SSH1: variants seen among roughly 807,000 people sequenced by gnomAD.
SSH1 encodes slingshot protein phosphatase 1.
Under a neutral mutation model 79.7 loss-of-function variants are expected in SSH1, and 43 were observed. The ratio of observed to expected loss-of-function variants is 0.54; its 90% CI spans 0.42 to 0.70. The LOEUF is 0.70. Ranked by LOEUF, SSH1 falls within the 30% of genes least tolerant of loss-of-function variation. The pLI is 0.00. For missense variants in SSH1, 1,206 were observed against 1,358.8 expected (o/e 0.89, Z 1.77); for synonymous variants, 599 against 538.3 (o/e 1.11, Z -1.56).
chr12:108,829,008 A>G (rs192486887), intron 2 of SSH1, among the ~76,000 whole-genome samples: 1 of 152,326 alleles, frequency 6.6e-6, no homozygotes, highest in African/African-American at 2.4e-5. Flanking sequence ...GACAACGCCC[A>G]TGGTGACTGC....
intron 2 of SSH1, among the ~76,000 whole-genome samples, chr12:108,829,344 A>T (rs1242927301): frequency 6.6e-6 from 1 of 152,106 alleles, no homozygotes; most frequent in Non-Finnish European, 1.5e-5. Flanking sequence ...GGCGGTGGGG[A>T]ACAAAAGTAA....
chr12:108,804,403 T>C (rs957421363), intron 10 of SSH1, among the ~76,000 whole-genome samples: 9 of 152,258 alleles, frequency 5.9e-5, no homozygotes, highest in Admixed American at 4.6e-4. Context: ...CCTTCCTCTA[T>C]AGCCTCTCTG....
At chr12:108,841,436 A>G (rs1478298101) in intron 2 of SSH1, among the ~76,000 whole-genome samples, 1 of 152,222 alleles carries the variant, frequency 6.6e-6, no homozygotes, top group Admixed American at 6.5e-5. Flanking sequence ...TGAAAAGTTT[A>G]ATTAAGTTCT....
intron 2 of SSH1, chr12:108,834,461 C>T (rs543927332): frequency 6.6e-6 from 1 of 152,418 alleles, no homozygotes; most frequent in South Asian, 2.1e-4. Context: ...AGGTCACATA[C>T]AGTCGGTCCT....
Position 108,808,821 on chromosome 12 carries a change from CTTTTTTTTTTTTT to C in SSH1, c.536+859_536+871del, listed in dbSNP as rs148110288. On this transcript the variant is annotated intron_variant, in intron 7 of 14. Coordinates refer to ENST00000326495, the MANE Select transcript of SSH1 (RefSeq NM_018984.4). Reference sequence around the variant, plus strand: ...TTTATTTAGTCACCCTCTTTTACTTCTTTTTTTTTTTTTTTTTTTTTTTTTTGTTTGAGAGAGA... The same window carrying C: ...TTTATTTAGTCACCCTCTTTTACTTCTTTTTTTTTTTTTGTTTGAGAGAGA... 4.7e-4 allele frequency among the ~76,000 whole-genome samples: 38 copies of C among 80,276 alleles called. No individual in the cohort carries two copies. The South Asian group carries it at 5.2e-3, about 11-fold the overall frequency. 52.7% of individuals were successfully genotyped at this position (80,276 alleles called of 152,430 possible). A position where few individuals can be genotyped will look rare whatever the true frequency, so the allele number is the denominator to read the frequency against.
intron 2 of SSH1, among the ~76,000 whole-genome samples, chr12:108,838,414 C>T (rs1279613193): frequency 5.3e-5 from 8 of 152,080 alleles, no homozygotes; most frequent in Admixed American, 3.3e-4. Context: ...GGGCCTCTCA[C>T]ATACACGGCT....
At chr12:108,817,298 G>T in intron 4 of SSH1, 139 bp from the exon 5 acceptor site, 2 of 1,318,392 alleles carry the variant, frequency 1.5e-6, no homozygotes, top group Non-Finnish European at 2.1e-6. Flanking sequence ...TCTTGGCTGG[G>T]CATGGTGGTT....
rs1280702225 is a variant in SSH1 at position 108,857,575 on chromosome 12, G to A, written c.-79C>T. 4.5e-6 allele frequency: 4 copies of A among 887,778 alleles called. No homozygotes were observed. Among genetic ancestry groups the A allele is most frequent in the African/African-American group, 3.7e-5 (2 of 54,176 alleles). 55.0% of individuals were successfully genotyped at this position (887,778 alleles called of 1,614,324 possible). A position where few individuals can be genotyped will look rare whatever the true frequency, so the allele number is the denominator to read the frequency against. On this transcript the variant is annotated 5_prime_UTR_variant, in exon 1 of 15. Transcript: ENST00000326495. The surrounding 1 kb of genome is among the most constrained non-coding windows in gnomAD (Gnocchi z 4.7). ...GCCACCGCCGCCCGGGCCGGGCCCGGGGCCTCCTGGAGCCGCGCGCGGGCG... is the reference window on the plus strand; with the variant it reads ...GCCACCGCCGCCCGGGCCGGGCCCGAGGCCTCCTGGAGCCGCGCGCGGGCG...
intron 2 of SSH1, among the ~76,000 whole-genome samples, chr12:108,829,153 C>T (rs1384913329): frequency 2.6e-5 from 4 of 152,088 alleles, no homozygotes; most frequent in Non-Finnish European, 4.4e-5. Flanking sequence ...CATGGCAAAA[C>T]CCTGTCTCTA....
rs1361058980 is a variant in SSH1, at chr12:108,813,682, T to C, written c.402-2354A>G. Among the ~76,000 whole-genome samples the C allele has an allele frequency of 2.3e-5, 3 of 128,422 alleles. No homozygotes were observed. The East Asian group carries it at 7.0e-4, about 30-fold the overall frequency. 84.2% of individuals were successfully genotyped at this position (128,422 alleles called of 152,430 possible). A position where few individuals can be genotyped will look rare whatever the true frequency, so the allele number is the denominator to read the frequency against. ...GAGCCTTGATTTCACCACTCCAGCC[T>C]GGGTGACAGAGCGAGATCCTGTCTC... On this transcript the variant is annotated intron_variant, in intron 5 of 14. Coordinates refer to ENST00000326495, the MANE Select transcript of SSH1 (RefSeq NM_018984.4).
chr12:108,790,430 G>A (rs1380503069), intron 14 of SSH1, among the ~76,000 whole-genome samples: 8 of 152,090 alleles, frequency 5.3e-5, no homozygotes, highest in Admixed American at 3.9e-4. Context: ...GATTACAGGC[G>A]TGCGGCACCA....
At chr12:108,802,017 T>A (rs1196924408) in intron 11 of SSH1, among the ~76,000 whole-genome samples, 1 of 151,904 alleles carries the variant, frequency 6.6e-6, no homozygotes, top group African/African-American at 2.4e-5. Flanking sequence ...GGGGTGGGGG[T>A]GAGGCAGCAC....
chr12:108,838,421 G>A (rs1029614639), intron 2 of SSH1, among the ~76,000 whole-genome samples: 6 of 152,180 alleles, frequency 3.9e-5, no homozygotes, highest in Non-Finnish European at 8.8e-5. Flanking sequence ...TCACATACAC[G>A]GCTCTGGACC....
rs1184018103 is a variant in SSH1, at chr12:108,807,796, C to T, written c.568G>A (p.Glu190Lys). The T allele has an allele frequency of 7.4e-6, 12 of 1,613,948 alleles. No individual in the cohort carries two copies. The highest frequency in any genetic ancestry group is 4.4e-5 in the South Asian group (4 of 91,064). Residue 190 changes from glutamate to lysine, a missense_variant, in exon 8 of 15, where the codon GAA becomes AAA. Around this residue, in one of 5 missense-constraint regions of SSH1, gnomAD observed 115 missense variants for 173.9 expected, o/e 0.66. Transcript: ENST00000326495. This position sits in a 1 kb window ranked among gnomAD's most constrained non-coding sequence, Gnocchi z 5.2. The part of the protein sequence containing the change: ...SALQVLHKAC[E>K]VARRHNYFPG... The stretch of plus-strand genomic sequence containing the variant: ...AAGTAGTTGTGCCTCCGGGCCACTT[C>T]GCAGGCCTTGTGAAGCACCTGCAGG...
At chr12:108,848,028 G>C (rs1274278977) in intron 2 of SSH1, among the ~76,000 whole-genome samples, 1 of 152,298 alleles carries the variant, frequency 6.6e-6, no homozygotes, top group African/African-American at 2.4e-5. Context: ...GGGGGAGCAG[G>C]GAGTAGTCCC....
rs1259224013 is a variant in SSH1, at chr12:108,792,358, C to T, written c.1821G>A (p.Gln607=). The T allele has an allele frequency of 1.9e-6, 3 of 1,614,184 alleles. No individual in the cohort carries two copies. Among genetic ancestry groups the T allele is most frequent in the Non-Finnish European group, 1.7e-6 (2 of 1,180,036 alleles). Residue 607 remains glutamine (Q), a synonymous_variant, in exon 14 of 15, where the codon CAG becomes CAA. Coordinates refer to ENST00000326495, the MANE Select transcript of SSH1 (RefSeq NM_018984.4). ...CCGAGTTGAGCAGGTTTTGATCGAGCTGGGTTGGAAGCTGCCCCCACCTCC... is the reference window on the plus strand; with the variant it reads ...CCGAGTTGAGCAGGTTTTGATCGAGTTGGGTTGGAAGCTGCCCCCACCTCC... ...GAGRWGQLPT[Q]LDQNLLNSEN...
At position 108,857,467 on chromosome 12, in the gene SSH1, G is replaced by A. The variant is rs1198686945; in HGVS notation, c.30C>T (p.Pro10=). 4.4e-6 allele frequency: 5 copies of A among 1,130,980 alleles called. No homozygotes were observed. The highest frequency in any genetic ancestry group is 5.5e-6 in the Non-Finnish European group (5 of 904,444). The allele number at this position is 1,130,980 out of a possible 1,614,324, so 70.1% of individuals were successfully genotyped here. MALVTLQRS[P]TPSAASSSAS... is the part of the protein sequence containing the mutation. ...CCGAGGAGGAGGCGGCGCTGGGCGT[G>A]GGCGAGCGCTGCAGGGTCACCAGGG... Residue 10 remains proline, a synonymous_variant, in exon 1 of 15, where the codon CCC becomes CCT. Transcript: ENST00000326495. This position sits in a 1 kb window ranked among gnomAD's most constrained non-coding sequence, Gnocchi z 4.7.
intron 13 of SSH1, among the ~76,000 whole-genome samples, chr12:108,798,558 TTG>T (rs1268763774): frequency 3.2e-5 from 3 of 95,226 alleles, no homozygotes; most frequent in African/African-American, 2.0e-4. Context: ...ACTGATGGGC[TTG>T]CCCTGACTTG....
chr12:108,815,965 G>T (rs1473760062), intron 5 of SSH1, among the ~76,000 whole-genome samples: 3 of 152,192 alleles, frequency 2.0e-5, no homozygotes, highest in Non-Finnish European at 4.4e-5. Context: ...AGACCATACT[G>T]TTACCGTGAC....
Sources: gnomAD v4.1 joint callset for allele counts (sites outside exome capture counted in the v4.1 genomes callset) on GRCh38, gnomAD v4.1.1 for gene constraint, gnomAD v4.1.1 regional missense constraint, Gnocchi (gnomAD v3.1) non-coding constraint, MANE v1.5 for transcripts, NCBI Gene and HGNC (gene_info 2026-07-23, HGNC 2026-07-21) for gene names.